The following TYW1B variants were observed in gnomAD, a reference collection of about 807,000 sequenced individuals.
TYW1B encodes the protein tRNA-yW synthesizing protein 1 homolog B.
In TYW1B, 73 loss-of-function variants were observed where a neutral mutation model predicts 86.9. That is an observed-to-expected ratio of 0.84 (90% CI 0.70 to 1.02). The LOEUF (loss-of-function observed/expected upper bound fraction) is 1.02. TYW1B is among the 50% of genes least tolerant of loss of function. The pLI, the probability that TYW1B is intolerant of heterozygous loss-of-function variation, is 0.00. For synonymous variants in TYW1B, 248 were observed against 292.8 expected, an observed-to-expected ratio of 0.85 and a Z score of 1.56; for missense variants, 637 against 827.4, an observed-to-expected ratio of 0.77 and a Z score of 2.82.
rs560443863 is a variant in TYW1B at position 72,811,178 on chromosome 7, A to G, written c.238-513T>C. Among the ~76,000 whole-genome samples, 26 of 150,940 alleles carry G rather than the reference A, an allele frequency of 1.7e-4. 1 individual carries two copies. Among genetic ancestry groups the G allele is most frequent in the South Asian group, 1.1e-3 (5 of 4,752 alleles). On this transcript the variant is annotated intron_variant, in intron 3 of 13. Coordinates refer to ENST00000620995, the MANE Select transcript of TYW1B (RefSeq NM_001145440.3). ...CCCAGCTACTCAGGAGGCTAAGCCA[A>G]GAGAATGGCGTGAACCCAGGAGGCA...
intron 1 of TYW1B, 107 bp downstream of exon 1, chr7:72,827,965 G>A: frequency 2.5e-6 from 4 of 1,570,068 alleles, no homozygotes; most frequent in Middle Eastern, 2.0e-4. Flanking sequence ...AAGTGCAACA[G>A]TCTCCGAAGG....
At chr7:72,724,459 T>A (rs527691713) in intron 9 of TYW1B, among the ~76,000 whole-genome samples, 61 of 152,220 alleles carry the variant, frequency 4.0e-4, no homozygotes, top group African/African-American at 1.4e-3. Flanking sequence ...GGCAACAGAG[T>A]GAGACCCTGT....
chr7:72,733,419 G>A (rs1425599404), intron 8 of TYW1B, among the ~76,000 whole-genome samples: 2 of 152,120 alleles, frequency 1.3e-5, no homozygotes, highest in Non-Finnish European at 2.9e-5. Flanking sequence ...CAGCACTTTC[G>A]GAGGCCAAGG....
chr7:72,734,365 G>A (rs553982894), intron 8 of TYW1B, among the ~76,000 whole-genome samples: 1 of 150,528 alleles, frequency 6.6e-6, no homozygotes, highest in Non-Finnish European at 1.5e-5. Context: ...AGAGAACCCA[G>A]AAATAAATCC....
In TYW1B at chr7:72,689,471, A is replaced by C. The variant is rs534468919; in HGVS notation, c.1506+5216T>G. On this transcript the variant is annotated intron_variant, in intron 11 of 13. Transcript: ENST00000620995. ...TGGGAGTAGCTGAGACTTTGTCCTC[A>C]GTGTGCTAAGGACAGAAAATGTGAC... is the stretch of plus-strand genomic sequence containing the variant. Among the ~76,000 whole-genome samples, 10 of 152,288 alleles carry C rather than the reference A, an allele frequency of 6.6e-5. No individual in the cohort carries two copies. In the South Asian group the frequency reaches 2.1e-3, roughly 32 times the overall value.
At chr7:72,679,762 T>C (rs1413497708) in intron 11 of TYW1B, among the ~76,000 whole-genome samples, 2 of 152,196 alleles carry the variant, frequency 1.3e-5, no homozygotes, top group African/African-American at 2.4e-5. Context: ...GTTACATTAT[T>C]ATATAAAGTT....
At chr7:72,746,253 T>A (rs2129571385) in intron 7 of TYW1B, among the ~76,000 whole-genome samples, 1 of 152,224 alleles carries the variant, frequency 6.6e-6, no homozygotes. Context: ...AAAAAAAGTT[T>A]CCCTGTCCAT....
At chr7:72,624,745 A>C (rs1386064523) in intron 12 of TYW1B, among the ~76,000 whole-genome samples, 1 of 152,222 alleles carries the variant, frequency 6.6e-6, no homozygotes, top group Non-Finnish European at 1.5e-5. Context: ...TATTTATTAC[A>C]TTATATTTTA....
chr7:72,731,198 C>T (rs1787100413), intron 8 of TYW1B, among the ~76,000 whole-genome samples: 1 of 149,524 alleles, frequency 6.7e-6, no homozygotes, highest in Non-Finnish European at 1.5e-5. Context: ...TAAAGCCTGT[C>T]GCAGACAAGT....
intron 11 of TYW1B, among the ~76,000 whole-genome samples, chr7:72,671,888 C>CT (rs782309457): frequency 1.6e-4 from 24 of 149,644 alleles, no homozygotes; most frequent in Admixed American, 3.3e-4. Flanking sequence ...CAAAACACAC[C>CT]ATTATGTAAG....
intron 11 of TYW1B, among the ~76,000 whole-genome samples, chr7:72,637,960 T>A (rs1454330264): frequency 6.6e-6 from 1 of 151,664 alleles, no homozygotes; most frequent in African/African-American, 2.4e-5. Context: ...CTTTTGAAAG[T>A]AATCTCTCTT....
At chr7:72,643,810 T>C (rs879963795) in intron 11 of TYW1B, among the ~76,000 whole-genome samples, 1 of 152,122 alleles carries the variant, frequency 6.6e-6, no homozygotes, top group Non-Finnish European at 1.5e-5. Context: ...ATCTAAATGG[T>C]CCTACAATTA....
chr7:72,789,612 T>G (rs1426485099), intron 6 of TYW1B, among the ~76,000 whole-genome samples: 2 of 152,126 alleles, frequency 1.3e-5, no homozygotes, highest in African/African-American at 2.4e-5. Context: ...AATGTTATAG[T>G]TAGAGTATTA....
At chr7:72,623,810 A>AT (rs1410902324) in intron 12 of TYW1B, among the ~76,000 whole-genome samples, 7 of 151,318 alleles carry the variant, frequency 4.6e-5, no homozygotes, top group South Asian at 2.1e-4. Context: ...TTATTTATTA[A>AT]TTTTTTTTTG....
chr7:72,603,205 G>C (rs1409086455), intron 13 of TYW1B, among the ~76,000 whole-genome samples: 1 of 150,360 alleles, frequency 6.7e-6, no homozygotes, highest in Non-Finnish European at 1.5e-5. Flanking sequence ...GACAGACAGA[G>C]ATTAGCTGGA....
intron 11 of TYW1B, among the ~76,000 whole-genome samples, chr7:72,661,893 T>C (rs2129569460): frequency 6.6e-6 from 1 of 152,072 alleles, no homozygotes; most frequent in Admixed American, 6.6e-5. Flanking sequence ...TTTGTGTTTG[T>C]TGTGGACTCT....
intron 5 of TYW1B, among the ~76,000 whole-genome samples, chr7:72,804,159 C>T (rs1288671687): frequency 6.6e-6 from 1 of 151,510 alleles, no homozygotes; most frequent in Non-Finnish European, 1.5e-5. Flanking sequence ...GTGGCGTGCG[C>T]CTGTAGTCCC....
intron 11 of TYW1B, among the ~76,000 whole-genome samples, chr7:72,635,743 T>C (rs529301714): frequency 1.3e-5 from 2 of 152,362 alleles, no homozygotes; most frequent in South Asian, 4.1e-4. Flanking sequence ...TAAGCCAGTG[T>C]TGCTCAATAG....
At chr7:72,665,979 T>C (rs369207500) in intron 11 of TYW1B, among the ~76,000 whole-genome samples, 27 of 152,196 alleles carry the variant, frequency 1.8e-4, no homozygotes, top group African/African-American at 6.5e-4. Flanking sequence ...AATCTATCAC[T>C]ATGAAGAAAT....
Sources: allele counts gnomAD v4.1 joint callset (sites outside exome capture counted in the v4.1 genomes callset), GRCh38; gene constraint gnomAD v4.1.1; transcripts MANE v1.5; gene names NCBI Gene and HGNC (gene_info 2026-07-23, HGNC 2026-07-21).